The following PITPNA variants were observed in gnomAD, a reference collection of about 807,000 sequenced individuals.
PITPNA encodes the protein phosphatidylinositol transfer protein alpha, also known as phosphatidylinositol transfer protein alpha isoform.
In PITPNA, 13 loss-of-function variants were observed where a neutral mutation model predicts 50.3. The observed-to-expected ratio is 0.26, with a 90% confidence interval of 0.17 to 0.41. PITPNA has a LOEUF of 0.41. Ranked by LOEUF, PITPNA falls within the 10% of genes least tolerant of loss-of-function variation. The probability of loss-of-function intolerance (pLI) is 1.00; values close to 1 mark genes in which losing one functional copy is unlikely to be tolerated. For missense variants in PITPNA, 207 were observed against 333.4 expected (o/e 0.62, Z 2.95); for synonymous variants, 120 against 119.6 (o/e 1.00, Z -0.02).
At chr17:1,525,793 C>T (rs2075544331) in intron 10 of PITPNA, among the ~76,000 whole-genome samples, 2 of 152,210 alleles carry the variant, frequency 1.3e-5, no homozygotes, top group African/African-American at 4.8e-5. Flanking sequence ...GCTGGGATGA[C>T]AGGCGTGAGC....
intron 10 of PITPNA, among the ~76,000 whole-genome samples, chr17:1,523,747 G>C (rs1454734174): frequency 6.6e-6 from 1 of 152,000 alleles, no homozygotes; most frequent in Non-Finnish European, 1.5e-5. Context: ...CTAACCTCAC[G>C]ATCTGCCTGC....
chr17:1,524,579 TAATAA>T (rs2075535685), intron 10 of PITPNA, among the ~76,000 whole-genome samples: 1 of 152,030 alleles, frequency 6.6e-6, no homozygotes, highest in Admixed American at 6.6e-5. Context: ...ATTTCTATAA[TAATAA>T]AATAGAGATA....
chr17:1,555,902 A>T (rs570960946), intron 2 of PITPNA, among the ~76,000 whole-genome samples: 2 of 152,224 alleles, frequency 1.3e-5, no homozygotes, highest in Non-Finnish European at 2.9e-5. Flanking sequence ...GGCTCTGGCC[A>T]CCCAGAAGCT....
intron 10 of PITPNA, among the ~76,000 whole-genome samples, chr17:1,523,988 G>T (rs2075530357): frequency 6.6e-6 from 1 of 150,768 alleles, no homozygotes; most frequent in Non-Finnish European, 1.5e-5. Flanking sequence ...ATCACTAATT[G>T]TATGACCTTG....
At position 1,518,010 on chromosome 17, in the gene PITPNA, ACTG is replaced by A. The variant is rs1403401813; in HGVS notation, c.*2548_*2550del. 1.3e-5 allele frequency: 2 copies of A among 152,636 alleles called. No individual in the cohort carries two copies. Among genetic ancestry groups the A allele is most frequent in the Non-Finnish European group, 2.9e-5 (2 of 68,046 alleles). 9.5% of individuals were successfully genotyped at this position (152,636 alleles called of 1,614,324 possible). On this transcript the variant is annotated 3_prime_UTR_variant, in exon 12 of 12. Transcript: ENST00000313486. ...AAAGTTCTGTCTAGGATTTTATTAG[ACTG>A]CTTTTTTTCTCAATATACCTGTATT...
chr17:1,523,527 G>C (rs1430363598), intron 10 of PITPNA, among the ~76,000 whole-genome samples: 1 of 110,006 alleles, frequency 9.1e-6, no homozygotes, highest in Non-Finnish European at 1.9e-5. Context: ...TTTTTTTTGA[G>C]ACACAGTCTC....
chr17:1,521,791 G>A (rs2075514554), intron 10 of PITPNA, 146 bp from the exon 11 acceptor site: 8 of 676,676 alleles, frequency 1.2e-5, no homozygotes, highest in Admixed American at 2.2e-5. Flanking sequence ...ATATGGACTC[G>A]AAGCCATACA....
intron 7 of PITPNA, among the ~76,000 whole-genome samples, chr17:1,536,891 C>A (rs1392019101): frequency 6.8e-6 from 1 of 146,216 alleles, no homozygotes; most frequent in Non-Finnish European, 1.5e-5. Context: ...CTATGTCCGG[C>A]CGATTTTTTT....
At position 1,521,570 on chromosome 17, in the gene PITPNA, G is replaced by A. The variant is rs1183208818; in HGVS notation, c.*22+9C>T. ...CTGTGACACGCACAGTGAGAAATTT[G>A]GTACGTACAGTGCAGAGGGGAAAGG... On this transcript the variant is annotated intron_variant, in intron 11 of 11. Coordinates refer to ENST00000313486, the MANE Select transcript of PITPNA (RefSeq NM_006224.4). 1.3e-6 allele frequency: 2 copies of A among 1,591,702 alleles called. No individual in the cohort carries two copies. Among genetic ancestry groups the A allele is most frequent in the South Asian group, 2.2e-5 (2 of 90,638 alleles).
intron 1 of PITPNA, chr17:1,559,768 A>G (rs1262251180): frequency 1.0e-6 from 1 of 985,316 alleles, no homozygotes; most frequent in Admixed American, 6.1e-5. Flanking sequence ...CAAAGGCAAG[A>G]CACCAAGCAG....
At chr17:1,552,875 G>A in intron 3 of PITPNA, 129 bp downstream of exon 3, 2 of 907,980 alleles carry the variant, frequency 2.2e-6, no homozygotes, top group South Asian at 1.6e-5. Context: ...TATACAGTCA[G>A]TATATAACTA....
At chr17:1,525,415 A>G (rs532818905) in intron 10 of PITPNA, among the ~76,000 whole-genome samples, 7 of 151,850 alleles carry the variant, frequency 4.6e-5, no homozygotes, top group Non-Finnish European at 1.0e-4. Context: ...GCCATAGCCC[A>G]CTTCAGAATT....
intron 10 of PITPNA, among the ~76,000 whole-genome samples, chr17:1,528,723 C>T (rs544850571): frequency 7.4e-4 from 111 of 149,720 alleles, no homozygotes; most frequent in Middle Eastern, 3.4e-3. Flanking sequence ...GGCCACAGAG[C>T]GAGACTGTCT....
Position 1,521,637 on chromosome 17 carries a change from T to C in PITPNA, c.777A>G (p.Gln259=), listed in dbSNP as rs2075513315. 1.2e-6 allele frequency: 2 copies of C among 1,613,592 alleles called. No individual in the cohort carries two copies. Among genetic ancestry groups the C allele is most frequent in the Non-Finnish European group, 1.7e-6 (2 of 1,179,564 alleles). Residue 259 remains glutamine (Q), a synonymous_variant, in exon 11 of 12, where the codon CAA becomes CAG. Coordinates refer to ENST00000313486, the MANE Select transcript of PITPNA (RefSeq NM_006224.4). Reference sequence around the variant, plus strand: ...CTGTCATTCCTTTCACTGGGTCCTTTTGTCTCATCTGGAACAAAAAAAGCA... The same window carrying C: ...CTGTCATTCCTTTCACTGGGTCCTTCTGTCTCATCTGGAACAAAAAAAGCA... ...ETKRQLDEMR[Q]KDPVKGMTAD... is the part of the protein sequence containing the mutation.
At chr17:1,555,719 T>C (rs1291842510) in intron 2 of PITPNA, among the ~76,000 whole-genome samples, 2 of 152,206 alleles carry the variant, frequency 1.3e-5, no homozygotes, top group African/African-American at 4.8e-5. Flanking sequence ...CCCACCAACA[T>C]GGCCCTGTCA....
rs1242375120 is a variant in PITPNA, at chr17:1,562,159, C to T, written c.20+382G>A. ...GCCCTCGCTGTCCCCGGCCTCTCCT[C>T]GGGTCCACTTGGGCCTCCGAGGCCC... is the stretch of plus-strand genomic sequence containing the variant. On this transcript the variant is annotated intron_variant, in intron 1 of 11. Transcript: ENST00000313486. This position sits in a 1 kb window ranked among gnomAD's most constrained non-coding sequence, Gnocchi z 6.4. Among the ~76,000 whole-genome samples the T allele has an allele frequency of 1.3e-5, 2 of 152,150 alleles. No homozygotes were observed. Among genetic ancestry groups the T allele is most frequent in the African/African-American group, 4.8e-5 (2 of 41,438 alleles).
chr17:1,548,132 G>A (rs979943663), intron 4 of PITPNA, among the ~76,000 whole-genome samples, 164 bp downstream of exon 4: 1 of 152,172 alleles, frequency 6.6e-6, no homozygotes, highest in Non-Finnish European at 1.5e-5. Context: ...GGTGCTTCTC[G>A]CCCTGCTGTC....
intron 3 of PITPNA, among the ~76,000 whole-genome samples, chr17:1,551,625 G>A (rs1567586026): frequency 6.6e-6 from 1 of 152,146 alleles, no homozygotes; most frequent in Admixed American, 6.5e-5. Flanking sequence ...TAGAGACCTC[G>A]TCTCTGTCAG....
chr17:1,529,320 C>T (rs570898807), intron 10 of PITPNA, among the ~76,000 whole-genome samples: 4 of 151,830 alleles, frequency 2.6e-5, no homozygotes, highest in South Asian at 2.1e-4. Flanking sequence ...CTCAGGAGTT[C>T]GAGACTAGTC....
Sources: gnomAD v4.1 joint callset for allele counts (sites outside exome capture counted in the v4.1 genomes callset) on GRCh38, gnomAD v4.1.1 for gene constraint, Gnocchi (gnomAD v3.1) non-coding constraint, MANE v1.5 for transcripts, NCBI Gene and HGNC (gene_info 2026-07-23, HGNC 2026-07-21) for gene names.